SLC4A5: variants seen among roughly 807,000 people sequenced by gnomAD.
SLC4A5 encodes the protein solute carrier family 4 member 5, also known as electrogenic sodium bicarbonate cotransporter 4.
In SLC4A5, 96 loss-of-function variants were observed where a neutral mutation model predicts 120.4. The ratio of observed to expected loss-of-function variants is 0.80; its 90% CI spans 0.68 to 0.94. The LOEUF (loss-of-function observed/expected upper bound fraction) is 0.94, where lower values mean the gene tolerates loss of function less well. Ranked by LOEUF, SLC4A5 falls within the 40% of genes least tolerant of loss-of-function variation. The pLI is 0.00. For missense variants in SLC4A5, 1,259 were observed against 1,459.5 expected, an observed-to-expected ratio of 0.86 and a Z score of 2.24; for synonymous variants, 550 against 571.1, an observed-to-expected ratio of 0.96 and a Z score of 0.53.
At chr2:74,223,003 C>CT (rs777446708) in intron 28 of SLC4A5, 51 bp from the exon 29 acceptor site, 50 of 1,304,912 alleles carry the variant, frequency 3.8e-5, no homozygotes, top group Admixed American at 1.9e-4. Flanking sequence ...AACAATTTGG[C>CT]TTTCTTTTTT....
At chr2:74,272,614 G>A (rs1671511476) in intron 8 of SLC4A5, among the ~76,000 whole-genome samples, 1 of 152,230 alleles carries the variant, frequency 6.6e-6, no homozygotes, top group Non-Finnish European at 1.5e-5. Context: ...CCCCAACTCT[G>A]CATGCCAGGG....
chr2:74,275,703 G>A (rs149026420), intron 8 of SLC4A5, among the ~76,000 whole-genome samples: 2 of 152,260 alleles, frequency 1.3e-5, no homozygotes, highest in Admixed American at 1.3e-4. Flanking sequence ...TCCTAATCAC[G>A]ACAACAGCTA....
chr2:74,303,898 G>A (rs558329164), intron 7 of SLC4A5, among the ~76,000 whole-genome samples: 2 of 150,060 alleles, frequency 1.3e-5, no homozygotes, highest in Non-Finnish European at 3.0e-5. Context: ...CGCCCAGGCT[G>A]GAGTGCAGTG....
chr2:74,251,509 A>T (rs1205451733), intron 16 of SLC4A5, among the ~76,000 whole-genome samples: 2 of 152,274 alleles, frequency 1.3e-5, no homozygotes, highest in African/African-American at 4.8e-5. Flanking sequence ...ATTAAGTTTT[A>T]AAAAAGGTAC....
intron 4 of SLC4A5, among the ~76,000 whole-genome samples, chr2:74,333,413 A>G (rs1673409465): frequency 6.6e-6 from 1 of 152,162 alleles, no homozygotes; most frequent in Admixed American, 6.5e-5. Flanking sequence ...TTGGCCCTCT[A>G]TATCCACAGG....
intron 29 of SLC4A5, among the ~76,000 whole-genome samples, chr2:74,222,123 T>C (rs553400318): frequency 2.6e-5 from 4 of 152,296 alleles, no homozygotes; most frequent in African/African-American, 9.6e-5. Flanking sequence ...GCCTGACTTA[T>C]AACCCAAGTG....
intron 19 of SLC4A5, among the ~76,000 whole-genome samples, chr2:74,244,484 CTT>C (rs376883964): frequency 0.37 from 51,340 of 137,322 alleles, 10,069 homozygotes; most frequent in Middle Eastern, 0.47. Context: ...CTTTCTTCTC[CTT>C]TCTCTCTCCC....
chr2:74,264,489 C>CGTGT (rs59538523), intron 9 of SLC4A5, among the ~76,000 whole-genome samples, 190 bp from the exon 10 acceptor site: 2,426 of 143,734 alleles, frequency 0.017, 30 homozygotes, highest in Middle Eastern at 0.068. Flanking sequence ...TTCAAGGGCA[C>CGTGT]GTGTGTGTGT....
intron 7 of SLC4A5, among the ~76,000 whole-genome samples, chr2:74,295,983 T>C (rs1443446052): frequency 6.6e-6 from 1 of 152,222 alleles, no homozygotes; most frequent in Non-Finnish European, 1.5e-5. Context: ...GGAGTCTATT[T>C]TAGTTAACCA....
chr2:74,313,101 C>T (rs1342116819), intron 6 of SLC4A5, among the ~76,000 whole-genome samples: 1 of 147,838 alleles, frequency 6.8e-6, no homozygotes, highest in Admixed American at 6.8e-5. Context: ...CCCAGGCTGG[C>T]CTCAAACTCC....
At chr2:74,326,115 T>C (rs1244291446) in intron 5 of SLC4A5, among the ~76,000 whole-genome samples, 2 of 152,120 alleles carry the variant, frequency 1.3e-5, no homozygotes, top group Admixed American at 1.3e-4. Context: ...AAGTCCCTCC[T>C]TGGTAAAAAG....
At chr2:74,302,092 C>CTACAAATA (rs1359751280) in intron 7 of SLC4A5, among the ~76,000 whole-genome samples, 1 of 152,072 alleles carries the variant, frequency 6.6e-6, no homozygotes, top group Non-Finnish European at 1.5e-5. Context: ...TCCTGGGGCC[C>CTACAAATA]TACAAATATA....
intron 3 of SLC4A5, among the ~76,000 whole-genome samples, chr2:74,337,731 C>T (rs1036377175): frequency 3.3e-5 from 5 of 152,178 alleles, no homozygotes; most frequent in African/African-American, 1.2e-4. Context: ...TGTAATTGTT[C>T]CTTAAGATTG....
intron 6 of SLC4A5, among the ~76,000 whole-genome samples, chr2:74,311,052 A>T (rs901502289): frequency 6.6e-5 from 10 of 152,008 alleles, no homozygotes; most frequent in African/African-American, 2.4e-4. Context: ...GTGTCTTTCA[A>T]TAAATTAGTC....
At chr2:74,256,542 T>C (rs1670970232) in intron 12 of SLC4A5, among the ~76,000 whole-genome samples, 1 of 152,144 alleles carries the variant, frequency 6.6e-6, no homozygotes, top group Non-Finnish European at 1.5e-5. Context: ...GCAGAGACTA[T>C]CAAGGTGGCC....
intron 6 of SLC4A5, chr2:74,307,615 T>C (rs771820120): frequency 1.6e-4 from 139 of 846,394 alleles, no homozygotes; most frequent in Middle Eastern, 4.7e-4. Context: ...ATGTCCTCAA[T>C]GGTCTTGAAG....
chr2:74,221,425 A>G lies in SLC4A5; in HGVS notation c.*33+9T>C, dbSNP rs954303646. ...CTAATACGCAAGGAGTCTACCTAACAGTGTTTACCTTCGGTCAAGTTCTGT... is the reference window on the plus strand; with the variant it reads ...CTAATACGCAAGGAGTCTACCTAACGGTGTTTACCTTCGGTCAAGTTCTGT... On this transcript the variant is annotated intron_variant, in intron 30 of 30. Coordinates refer to ENST00000394019, the Ensembl canonical transcript of SLC4A5. The G allele has an allele frequency of 2.5e-6, 4 of 1,599,628 alleles. No homozygotes were observed. The highest frequency in any genetic ancestry group is 1.7e-4 in the Middle Eastern group (1 of 6,046).
intron 3 of SLC4A5, among the ~76,000 whole-genome samples, chr2:74,338,085 G>A (rs1573117816): frequency 6.6e-6 from 1 of 152,180 alleles, no homozygotes; most frequent in South Asian, 2.1e-4. Context: ...GTGCTTGGTA[G>A]TTAATAGGAC....
rs150493047 is a variant in SLC4A5 at position 74,335,797 on chromosome 2, C to T, written c.-220-1620G>A. 2.5e-3 allele frequency among the ~76,000 whole-genome samples: 381 copies of T among 152,234 alleles called. 1 individual carries two copies. Among genetic ancestry groups the T allele is most frequent in the African/African-American group, 8.7e-3 (360 of 41,532 alleles). ...GAAATGCATGTTTTATATGAGGACA[C>T]GTGGCAAAACTTTGCTAAGAAACAC... On this transcript the variant is annotated intron_variant, in intron 3 of 30. Coordinates refer to ENST00000394019, the Ensembl canonical transcript of SLC4A5.
Sources: allele counts gnomAD v4.1 joint callset (sites outside exome capture counted in the v4.1 genomes callset), GRCh38; gene constraint gnomAD v4.1.1; transcripts MANE v1.5; gene names NCBI Gene and HGNC (gene_info 2026-07-23, HGNC 2026-07-21).